IFRD1: variants seen among roughly 807,000 people sequenced by gnomAD.
IFRD1 encodes interferon-related developmental regulator 1.
A neutral mutation model predicts 52.9 loss-of-function variants in IFRD1; 35 were observed. The ratio of observed to expected loss-of-function variants is 0.66; its 90% CI spans 0.51 to 0.88. The LOEUF is 0.88. Among genes scored for constraint, IFRD1 ranks in the 40% least tolerant of loss-of-function variants. IFRD1 has a pLI of 0.00. For synonymous variants in IFRD1, 184 were observed against 188.4 expected (o/e 0.98, Z 0.19); for missense variants, 517 against 550.8 (o/e 0.94, Z 0.61).
At chr7:112,446,984 G>A (rs1027837439), upstream of IFRD1, among the ~76,000 whole-genome samples, 14 of 152,136 alleles carry the variant, frequency 9.2e-5, no homozygotes, top group African/African-American at 3.4e-4. Context: ...ATTCCGACAA[G>A]CCCTACATGG....
At chr7:112,437,962 G>A (rs1215507816) in intron 1 of IFRD1, among the ~76,000 whole-genome samples, 1 of 152,174 alleles carries the variant, frequency 6.6e-6, no homozygotes, top group Non-Finnish European at 1.5e-5. Context: ...GAGATGGATA[G>A]TAGAGCCATT....
chr7:112,474,519 G>A (rs755332406), intron 11 of IFRD1, among the ~76,000 whole-genome samples: 17 of 151,956 alleles, frequency 1.1e-4, no homozygotes, highest in African/African-American at 4.1e-4. Context: ...TTCTTGTACG[G>A]CATTTTAAGT....
rs561275204 is a variant in IFRD1 at position 112,461,806 on chromosome 7, A to T, written c.568-60A>T. The T allele has an allele frequency of 5.6e-6, 5 of 890,990 alleles. No individual in the cohort carries two copies. In the South Asian group the frequency reaches 7.1e-5, roughly 13 times the overall value. The allele number at this position is 890,990 out of a possible 1,614,324, so 55.2% of individuals were successfully genotyped here. ...CACGTTGAATTATAAAAGCAGGAAG[A>T]TGTAGAATTAATAAGAAATAAAATC... On this transcript the variant is annotated intron_variant, in intron 5 of 11. Coordinates refer to ENST00000403825, the MANE Select transcript of IFRD1 (RefSeq NM_001550.4).
intron 1 of IFRD1, among the ~76,000 whole-genome samples, chr7:112,423,922 G>A (rs1281253380): frequency 3.9e-5 from 6 of 152,214 alleles, no homozygotes; most frequent in African/African-American, 1.2e-4. Context: ...GGCATCTGCC[G>A]TACTGTAACT....
chr7:112,432,658 C>T (rs77387853), intron 1 of IFRD1, among the ~76,000 whole-genome samples: 130 of 152,266 alleles, frequency 8.5e-4, no homozygotes, highest in African/African-American at 2.9e-3. Flanking sequence ...AGCTAGTAGA[C>T]GGCAGGGCTT....
chr7:112,452,002 C>T (rs1289706202), intron 1 of IFRD1: 2 of 983,002 alleles, frequency 2.0e-6, no homozygotes, highest in South Asian at 4.7e-5. Flanking sequence ...AATAATTGAC[C>T]ATAGGGAGGG....
chr7:112,430,430 A>C lies in IFRD1; in HGVS notation c.-182+6998A>C, dbSNP rs1244062593. Among the ~76,000 whole-genome samples, 7 of 152,186 alleles carry C rather than the reference A, an allele frequency of 4.6e-5. No individual in the cohort carries two copies. The East Asian group carries it at 1.2e-3, about 25-fold the overall frequency. The stretch of plus-strand genomic sequence containing the variant: ...CTGCTGAAGACTGGAGCAGCAGTCT[A>C]GCTCTTAGCTGAAGGGACAAGCAGT... On this transcript the variant is annotated intron_variant, in intron 1 of 12. Transcript: ENST00000005558.
intron 3 of IFRD1, 75 bp from the exon 4 acceptor site, chr7:112,456,839 G>T: frequency 7.2e-7 from 1 of 1,387,170 alleles, no homozygotes; most frequent in Non-Finnish European, 1.0e-6. Context: ...AGTTTAGAAG[G>T]AAATAAGATT....
At chr7:112,433,429 C>T (rs536848486) in intron 1 of IFRD1, among the ~76,000 whole-genome samples, 1 of 152,320 alleles carries the variant, frequency 6.6e-6, no homozygotes, top group Admixed American at 6.5e-5. Flanking sequence ...AGCTGATCCA[C>T]TGAGTACAGG....
At chr7:112,456,163 T>C in intron 3 of IFRD1, 77 bp downstream of exon 3, 1 of 845,984 alleles carries the variant, frequency 1.2e-6, no homozygotes, top group Non-Finnish European at 2.1e-6. Flanking sequence ...ATGATTATTC[T>C]GTGTGATTCT....
intron 9 of IFRD1, among the ~76,000 whole-genome samples, chr7:112,471,419 A>G (rs1795742463): frequency 6.6e-6 from 1 of 152,156 alleles, no homozygotes; most frequent in African/African-American, 2.4e-5. Context: ...GATGTCTGGA[A>G]GGCAGGTGGA....
chr7:112,455,464 G>A (rs764932208), intron 1 of IFRD1, among the ~76,000 whole-genome samples: 3 of 151,734 alleles, frequency 2.0e-5, no homozygotes, highest in Admixed American at 2.0e-4. Context: ...CAGCCAGGGC[G>A]ACAGGGAGGC....
At chr7:112,459,962 A>G (rs976710124) in intron 5 of IFRD1, among the ~76,000 whole-genome samples, 1 of 152,194 alleles carries the variant, frequency 6.6e-6, no homozygotes, top group Non-Finnish European at 1.5e-5. Flanking sequence ...TGAAATATTT[A>G]ATTAGCTTTT....
At chr7:112,448,973 T>G (rs928673604), upstream of IFRD1, among the ~76,000 whole-genome samples, 8 of 152,162 alleles carry the variant, frequency 5.3e-5, no homozygotes, top group Non-Finnish European at 1.0e-4. Flanking sequence ...AAGAACTGTA[T>G]GAGGAAGCAG....
chr7:112,438,631 T>C (rs1794773450), intron 1 of IFRD1, among the ~76,000 whole-genome samples: 1 of 152,132 alleles, frequency 6.6e-6, no homozygotes, highest in African/African-American at 2.4e-5. Flanking sequence ...TTTGAATGGA[T>C]GCGTGAATAG....
chr7:112,458,508 A>T (rs1031981394), intron 4 of IFRD1, among the ~76,000 whole-genome samples: 2 of 152,208 alleles, frequency 1.3e-5, no homozygotes, highest in Non-Finnish European at 2.9e-5. Context: ...ATATGAGTAC[A>T]TTAAGGAGTT....
chr7:112,474,528 GT>G (rs968029644), intron 11 of IFRD1, among the ~76,000 whole-genome samples: 3 of 151,752 alleles, frequency 2.0e-5, no homozygotes, highest in East Asian at 3.9e-4. Flanking sequence ...GGCATTTTAA[GT>G]TTTTTTTAAG....
At position 112,456,942 on chromosome 7, in the gene IFRD1, G is replaced by A; in HGVS notation, c.313G>A (p.Gly105Ser). The A allele has an allele frequency of 1.2e-6, 2 of 1,613,784 alleles. No homozygotes were observed. Among genetic ancestry groups the A allele is most frequent in the Middle Eastern group, 1.7e-4 (1 of 6,058 alleles). ...SAKTRQAALE[G>S]IKNALASKML... Reference sequence around the variant, plus strand: ...GAAGACAAGGCAAGCAGCTCTTGAAGGTATTAAAAATGCACTGGCTTCAAA... The same window carrying A: ...GAAGACAAGGCAAGCAGCTCTTGAAAGTATTAAAAATGCACTGGCTTCAAA... The change falls in exon 4 of 12, where the codon GGT (glycine) becomes AGT (serine). Residue 105 changes from glycine to serine, a missense_variant. Physicochemically the swap from Gly to Ser is moderately conservative, Grantham distance 56. Coordinates refer to ENST00000403825, the MANE Select transcript of IFRD1 (RefSeq NM_001550.4).
At chr7:112,455,619 C>T (rs1795272092) in intron 1 of IFRD1, 144 bp from the exon 2 acceptor site, 2 of 679,196 alleles carry the variant, frequency 2.9e-6, no homozygotes, top group Non-Finnish European at 5.3e-6. Flanking sequence ...TAAGTATGTT[C>T]ACTTGTGATA....
Sources: gnomAD v4.1 joint callset for allele counts (sites outside exome capture counted in the v4.1 genomes callset) on GRCh38, gnomAD v4.1.1 for gene constraint, MANE v1.5 for transcripts, NCBI Gene and HGNC (gene_info 2026-07-23, HGNC 2026-07-21) for gene names.